DZIP1L: variants seen among roughly 807,000 people sequenced by gnomAD.
DZIP1L encodes cilium assembly protein DZIP1L.
In DZIP1L, 90 loss-of-function variants were observed where a neutral mutation model predicts 88.7. The observed-to-expected ratio is 1.02, with a 90% CI of 0.86 to 1.21. DZIP1L has a LOEUF of 1.21. Ranked by LOEUF, DZIP1L falls within the 50% of genes most tolerant of loss-of-function variation. The pLI, the probability that DZIP1L is intolerant of heterozygous loss-of-function variation, is 0.00. For missense variants in DZIP1L, 932 were observed against 955.8 expected, an observed-to-expected ratio of 0.98 and a Z score of 0.33; for synonymous variants, 363 against 372.1, an observed-to-expected ratio of 0.98 and a Z score of 0.28.
intron 14 of DZIP1L, among the ~76,000 whole-genome samples, chr3:138,066,722 C>G (rs1472137134): frequency 6.6e-6 from 1 of 151,964 alleles, no homozygotes; most frequent in Admixed American, 6.6e-5. Flanking sequence ...TCACACGCCT[C>G]GAGCTTCCAC....
intron 4 of DZIP1L, 124 bp downstream of exon 4, chr3:138,094,738 C>T: frequency 6.8e-7 from 1 of 1,465,520 alleles, no homozygotes; most frequent in Non-Finnish European, 9.2e-7. Flanking sequence ...AGGCACTATC[C>T]CAGCTCTGAC....
At chr3:138,064,314 G>A (rs1942796691) in intron 15 of DZIP1L, 2 of 1,207,194 alleles carry the variant, frequency 1.7e-6, no homozygotes, top group Admixed American at 7.1e-5. Flanking sequence ...GGCTGGAAGA[G>A]CAGCTGCTGC....
chr3:138,076,440 A>G (rs1943408778), intron 11 of DZIP1L, among the ~76,000 whole-genome samples: 1 of 152,250 alleles, frequency 6.6e-6, no homozygotes. Flanking sequence ...AAGTCATTAC[A>G]TGAAAAAGAT....
chr3:138,108,319 T>G (rs1275016835), intron 1 of DZIP1L: 1 of 674,528 alleles, frequency 1.5e-6, no homozygotes, highest in Non-Finnish European at 1.8e-6. Context: ...GACACCTGCT[T>G]CCTGATGTCC....
intron 14 of DZIP1L, among the ~76,000 whole-genome samples, chr3:138,067,089 G>T (rs923170674): frequency 6.6e-6 from 1 of 152,136 alleles, no homozygotes; most frequent in African/African-American, 2.4e-5. Context: ...CCCCACTTTG[G>T]CCTCAAGTGC....
At chr3:138,102,243 C>T in intron 2 of DZIP1L, 1 of 1,430,812 alleles carries the variant, frequency 7.0e-7, no homozygotes, top group Non-Finnish European at 9.8e-7. Context: ...ATACAGCTGC[C>T]TGAGGAAGTT....
chr3:138,097,936 G>T, intron 2 of DZIP1L, 89 bp from the exon 3 acceptor site: 1 of 1,094,720 alleles, frequency 9.1e-7, no homozygotes, highest in South Asian at 1.4e-5. Context: ...CCATCCCCTT[G>T]GGACCCCTGG....
chr3:138,101,403 C>T (rs1474588791), intron 2 of DZIP1L: 1 of 702,266 alleles, frequency 1.4e-6, no homozygotes, highest in Non-Finnish European at 2.6e-6. Flanking sequence ...CTGTGCTACC[C>T]TGCACAGCAG....
At chr3:138,067,151 C>T (rs1242350303) in intron 14 of DZIP1L, among the ~76,000 whole-genome samples, 1 of 152,288 alleles carries the variant, frequency 6.6e-6, no homozygotes, top group African/African-American at 2.4e-5. Context: ...TCAGGCATTC[C>T]TGGGCCCTGT....
rs149229040 is a variant in DZIP1L at position 138,095,223 on chromosome 3, G to A, written c.587-240C>T. 2.5e-4 allele frequency among the ~76,000 whole-genome samples: 38 copies of A among 152,302 alleles called. No homozygotes were observed. The East Asian group carries it at 6.7e-3, about 27-fold the overall frequency. Reference sequence around the variant, plus strand: ...AGGATGAAATGTGAGAATGCAAAGTGCTTAGCATAGTGTCTGGCACGACAG... The same window carrying A: ...AGGATGAAATGTGAGAATGCAAAGTACTTAGCATAGTGTCTGGCACGACAG... On this transcript the variant is annotated intron_variant, in intron 3 of 15. Transcript: ENST00000327532.
At chr3:138,101,344 G>A (rs1010121746) in intron 2 of DZIP1L, 9 of 586,126 alleles carry the variant, frequency 1.5e-5, no homozygotes, top group Non-Finnish European at 2.7e-5. Flanking sequence ...AAACTCCCCC[G>A]CAGGTGGGTT....
chr3:138,064,350 C>T (rs552306274), intron 15 of DZIP1L: 22 of 1,268,218 alleles, frequency 1.7e-5, no homozygotes, highest in African/African-American at 9.2e-5. Flanking sequence ...GAGTCAGCTC[C>T]GAAGCTCTCC....
chr3:138,104,066 A>T lies in DZIP1L; in HGVS notation c.-81-14T>A. 1 of 1,508,380 alleles carries T rather than the reference A, an allele frequency of 6.6e-7. No homozygotes were observed. The highest frequency in any genetic ancestry group is 1.3e-5 in the South Asian group (1 of 74,632). 93.4% of individuals were successfully genotyped at this position (1,508,380 alleles called of 1,614,324 possible). A position where few individuals can be genotyped will look rare whatever the true frequency, so the allele number is the denominator to read the frequency against. On this transcript the variant is annotated splice_polypyrimidine_tract_variant and intron_variant, in intron 1 of 15. Coordinates refer to ENST00000327532, the MANE Select transcript of DZIP1L (RefSeq NM_173543.3). ...CTGAGAGAAGGCCTGGAAAATAAGAAGAGAGTCCAAGTTAGGTGAGGTGTG... is the reference window on the plus strand; with the variant it reads ...CTGAGAGAAGGCCTGGAAAATAAGATGAGAGTCCAAGTTAGGTGAGGTGTG...
Position 138,102,956 on chromosome 3 carries a change from C to A in DZIP1L, c.501+515G>T. On this transcript the variant is annotated intron_variant, in intron 2 of 15. Coordinates refer to ENST00000327532, the MANE Select transcript of DZIP1L (RefSeq NM_173543.3). ...GTGGAGGCAGGTGGGCTGAACCAGGCGGAGATTCCAGAAGGAGCAGAGAAG... is the reference window on the plus strand; with the variant it reads ...GTGGAGGCAGGTGGGCTGAACCAGGAGGAGATTCCAGAAGGAGCAGAGAAG... 2.2e-5 allele frequency: 11 copies of A among 510,480 alleles called. No individual in the cohort carries two copies. The South Asian group carries it at 2.2e-4, about 10-fold the overall frequency. 31.6% of individuals were successfully genotyped at this position (510,480 alleles called of 1,614,324 possible). A position where few individuals can be genotyped will look rare whatever the true frequency, so the allele number is the denominator to read the frequency against.
chr3:138,071,065 C>A (rs1265378159), intron 12 of DZIP1L, among the ~76,000 whole-genome samples: 1 of 152,240 alleles, frequency 6.6e-6, no homozygotes, highest in African/African-American at 2.4e-5. Flanking sequence ...CAGCTATGAC[C>A]TGGCCCAAGG....
At chr3:138,100,196 T>C (rs992953690) in intron 2 of DZIP1L, among the ~76,000 whole-genome samples, 1 of 152,240 alleles carries the variant, frequency 6.6e-6, no homozygotes, top group Non-Finnish European at 1.5e-5. Flanking sequence ...GCTGGACTAC[T>C]AAGCAATGGC....
At position 138,103,672 on chromosome 3, in the gene DZIP1L, G is replaced by A; in HGVS notation, c.300C>T (p.Cys100=). 6.2e-7 allele frequency: 1 copy of A among 1,610,232 alleles called. No individual in the cohort carries two copies. Among genetic ancestry groups the A allele is most frequent in the Non-Finnish European group, 8.5e-7 (1 of 1,179,744 alleles). The change falls in exon 2 of 16, where the codon TGC becomes TGT. Residue 100 remains cysteine (C), a synonymous_variant. Coordinates refer to ENST00000327532, the MANE Select transcript of DZIP1L (RefSeq NM_173543.3). Reference sequence around the variant, plus strand: ...CAACACTGGCACTCAGGCAATCCTGGCAGTGCAGCAGGTACTCAATGATGA... The same window carrying A: ...CAACACTGGCACTCAGGCAATCCTGACAGTGCAGCAGGTACTCAATGATGA... The part of the protein sequence containing the change: ...AQLIIEYLLH[C]QDCLSASVAQ...
chr3:138,080,751 G>T, intron 9 of DZIP1L, 131 bp from the exon 10 acceptor site: 1 of 825,408 alleles, frequency 1.2e-6, no homozygotes. Context: ...CTTGACTGGA[G>T]AGAGGCAGGA....
chr3:138,062,709 T>C lies in DZIP1L; in HGVS notation c.*107A>G. ...ACTGCTTCTCTCCAAGAGGATGATC[T>C]CTTGGTTGTTTGTGAAGACAAGAGG... is the stretch of plus-strand genomic sequence containing the variant. On this transcript the variant is annotated 3_prime_UTR_variant, in exon 16 of 16. Transcript: ENST00000327532. 1.6e-6 allele frequency: 2 copies of C among 1,287,332 alleles called. No individual in the cohort carries two copies. Among genetic ancestry groups the C allele is most frequent in the East Asian group, 4.6e-5 (2 of 43,150 alleles). 79.7% of individuals were successfully genotyped at this position (1,287,332 alleles called of 1,614,324 possible). A position where few individuals can be genotyped will look rare whatever the true frequency, so the allele number is the denominator to read the frequency against.
Sources: allele counts gnomAD v4.1 joint callset (sites outside exome capture counted in the v4.1 genomes callset), GRCh38; gene constraint gnomAD v4.1.1; transcripts MANE v1.5; gene names NCBI Gene and HGNC (gene_info 2026-07-23, HGNC 2026-07-21).